The following GAK variants were observed in gnomAD, a reference collection of about 807,000 sequenced individuals.
GAK encodes cyclin G associated kinase.
Under a neutral mutation model 143.9 loss-of-function variants are expected in GAK, and 79 were observed. That is an observed-to-expected ratio of 0.55 (90% CI 0.46 to 0.66). GAK has a LOEUF of 0.66. GAK is among the 30% of genes least tolerant of loss of function. The probability of loss-of-function intolerance (pLI) is 0.00; values close to 1 mark genes in which losing one functional copy is unlikely to be tolerated. For missense variants in GAK, 1,693 were observed against 1,779.7 expected (o/e 0.95, Z 0.88); for synonymous variants, 881 against 765.5 (o/e 1.15, Z -2.49).
intron 1 of GAK, among the ~76,000 whole-genome samples, chr4:916,404 G>A (rs1054371470): frequency 1.3e-5 from 2 of 152,142 alleles, no homozygotes; most frequent in Non-Finnish European, 2.9e-5. Context: ...ACAGGCATGC[G>A]TCACCACACC....
At chr4:926,058 G>A (rs1317241685) in intron 1 of GAK, among the ~76,000 whole-genome samples, 1 of 151,856 alleles carries the variant, frequency 6.6e-6, no homozygotes. Flanking sequence ...TCACCCCAAG[G>A]GGGTCCTCCC....
At chr4:859,561 T>C (rs1749910949) in intron 24 of GAK, 45 bp downstream of exon 24, 1 of 1,586,794 alleles carries the variant, frequency 6.3e-7, no homozygotes, top group Non-Finnish European at 8.6e-7. Flanking sequence ...ATAAACCTCC[T>C]ACAAGGAAAC....
At chr4:926,494 T>C (rs1014423683) in intron 1 of GAK, among the ~76,000 whole-genome samples, 1 of 152,176 alleles carries the variant, frequency 6.6e-6, no homozygotes, top group African/African-American at 2.4e-5. Context: ...ACGTCACTTT[T>C]CTCTTCTGCG....
chr4:882,989 C>T (rs1200969135), intron 13 of GAK, among the ~76,000 whole-genome samples, 170 bp from the exon 14 acceptor site: 1 of 152,254 alleles, frequency 6.6e-6, no homozygotes, highest in Non-Finnish European at 1.5e-5. Context: ...GCCTTGCAGA[C>T]AGAGCTCAGT....
intron 9 of GAK, 55 bp from the exon 10 acceptor site, chr4:890,677 C>T: frequency 6.8e-7 from 1 of 1,468,068 alleles, no homozygotes; most frequent in Non-Finnish European, 9.4e-7. Context: ...TCACGCCTGC[C>T]CACGTCGGGC....
At chr4:876,507 G>A (rs774276749) in intron 18 of GAK, 23 bp downstream of exon 18, 27 of 1,608,884 alleles carry the variant, frequency 1.7e-5, no homozygotes, top group East Asian at 2.2e-5. Context: ...CCTCCCCACC[G>A]AGCACAAGCG....
rs931157280 is a variant in GAK, at chr4:896,348, G to A, written c.741+112C>T. The A allele has an allele frequency of 8.2e-5, 62 of 754,838 alleles. 1 individual carries two copies. Among genetic ancestry groups the A allele is most frequent in the Middle Eastern group, 3.5e-4 (1 of 2,818 alleles). The allele number at this position is 754,838 out of a possible 1,614,324, so 46.8% of individuals were successfully genotyped here. On this transcript the variant is annotated intron_variant, in intron 7 of 27. Coordinates refer to ENST00000314167, the MANE Select transcript of GAK (RefSeq NM_005255.4). ...AAGAAAAGGGGACGGGAGGGGAAGA[G>A]GGGGTGGAGGAGGCAGGCCAGTTCC...
intron 26 of GAK, chr4:850,401 C>T (rs1747911162): frequency 3.7e-6 from 1 of 271,108 alleles, no homozygotes; most frequent in Non-Finnish European, 7.0e-6. Flanking sequence ...AGGGGATGGT[C>T]CCTGGTGCCT....
intron 24 of GAK, among the ~76,000 whole-genome samples, chr4:856,796 A>T (rs1009941301): frequency 2.0e-5 from 3 of 152,236 alleles, no homozygotes; most frequent in African/African-American, 7.2e-5. Context: ...AGCTGGTTTC[A>T]AACTCCTGGG....
At chr4:858,485 G>A (rs976275835) in intron 24 of GAK, among the ~76,000 whole-genome samples, 4 of 152,304 alleles carry the variant, frequency 2.6e-5, no homozygotes, top group South Asian at 2.1e-4. Context: ...GTCTCCTCCC[G>A]AGGGCACGGC....
chr4:856,415 CACAGCTGCTCACA>C (rs1560280982), intron 24 of GAK, among the ~76,000 whole-genome samples: 2 of 59,634 alleles, frequency 3.4e-5, no homozygotes, highest in Admixed American at 1.6e-4. Context: ...AGCTGCTCAC[CACAGCTGCTCACA>C]CCTGCTCACC....
At chr4:929,059 G>C (rs1419760453) in intron 1 of GAK, among the ~76,000 whole-genome samples, 1 of 152,224 alleles carries the variant, frequency 6.6e-6, no homozygotes, top group Non-Finnish European at 1.5e-5. Context: ...ACTGCGCCCG[G>C]CCCAGAACAT....
At chr4:924,126 C>T (rs946984343) in intron 1 of GAK, among the ~76,000 whole-genome samples, 8 of 140,606 alleles carry the variant, frequency 5.7e-5, no homozygotes, top group Admixed American at 1.5e-4. Flanking sequence ...TGGAGCTTGC[C>T]GTGAGCCAAG....
intron 5 of GAK, among the ~76,000 whole-genome samples, chr4:898,616 CT>C (rs2152884672): frequency 6.6e-6 from 1 of 152,364 alleles, no homozygotes; most frequent in Non-Finnish European, 1.5e-5. Context: ...AATCCCAGCA[CT>C]TTGGGAGGCC....
intron 1 of GAK, among the ~76,000 whole-genome samples, chr4:918,808 G>A (rs954751407): frequency 2.7e-4 from 37 of 138,134 alleles, no homozygotes; most frequent in Non-Finnish European, 4.4e-4. Flanking sequence ...CCTCAGCGCC[G>A]CATGACCTTA....
rs138890416 is a variant in GAK, at chr4:851,932, G to C, written c.3326C>G (p.Thr1109Arg). The C allele has an allele frequency of 6.2e-7, 1 of 1,613,656 alleles. No individual in the cohort carries two copies. Among genetic ancestry groups the C allele is most frequent in the East Asian group, 2.2e-5 (1 of 44,868 alleles). Residue 1109 changes from threonine to arginine, a missense_variant, in exon 25 of 28, where the codon ACG becomes AGG. This residue lies in a region of GAK where 822 missense variants were observed against 788.7 expected (regional missense o/e 1.04). Transcript: ENST00000314167. Reference protein sequence around the residue: ...GFPPGGFIPKTATTPKGSSSW... With the variant: ...GFPPGGFIPKRATTPKGSSSW... The stretch of plus-strand genomic sequence containing the variant: ...GCTGCTGCCTTTGGGCGTGGTGGCC[G>C]TTTTGGGAATGAAGCCCCCAGGAGG...
intron 15 of GAK, among the ~76,000 whole-genome samples, chr4:879,339 A>T (rs751190247): frequency 4.6e-5 from 7 of 152,242 alleles, no homozygotes; most frequent in Non-Finnish European, 7.3e-5. Flanking sequence ...CAGCCTGAAC[A>T]CTGATGTGGC....
intron 5 of GAK, 52 bp downstream of exon 5, chr4:904,585 G>C: frequency 2.0e-6 from 3 of 1,509,308 alleles, no homozygotes; most frequent in South Asian, 1.3e-5. Flanking sequence ...TCCTAACCGA[G>C]TGGGACCCGC....
chr4:926,653 C>A (rs2152977917), intron 1 of GAK, among the ~76,000 whole-genome samples: 1 of 152,310 alleles, frequency 6.6e-6, no homozygotes, highest in South Asian at 2.1e-4. Context: ...ACGCTGGGAA[C>A]TAGCCAAAGT....
Sources: allele counts gnomAD v4.1 joint callset (sites outside exome capture counted in the v4.1 genomes callset), GRCh38; gene constraint gnomAD v4.1.1; regional missense constraint gnomAD v4.1.1; transcripts MANE v1.5; gene names NCBI Gene and HGNC (gene_info 2026-07-23, HGNC 2026-07-21).